The following SGCG variants were observed in gnomAD, a reference collection of about 807,000 sequenced individuals.
SGCG encodes the protein sarcoglycan gamma, also known as gamma-sarcoglycan.
SGCG carries 26 observed loss-of-function variants against 29.3 expected under a neutral mutation model. That is an observed-to-expected ratio of 0.89 (90% CI 0.65 to 1.23). The LOEUF is 1.23. Among genes scored for constraint, SGCG ranks in the 50% most tolerant of loss-of-function variants. The pLI is 0.00. For synonymous variants in SGCG, 145 were observed against 129.7 expected (o/e 1.12, Z -0.80); for missense variants, 353 against 356.0 (o/e 0.99, Z 0.07).
chr13:23,264,036 C>T (rs961284489), intron 4 of SGCG, among the ~76,000 whole-genome samples: 2 of 152,126 alleles, frequency 1.3e-5, no homozygotes, highest in Non-Finnish European at 2.9e-5. Flanking sequence ...CGAGGATGCC[C>T]ATTTTCACCA....
At chr13:23,213,223 C>T (rs56660557) in intron 2 of SGCG, among the ~76,000 whole-genome samples, 14,085 of 152,168 alleles carry the variant, frequency 0.093, 867 homozygotes, top group South Asian at 0.2. Context: ...GCCTGTAATA[C>T]CAGCTCTTTG....
At chr13:23,203,467 T>C (rs1565998114) in intron 1 of SGCG, among the ~76,000 whole-genome samples, 1 of 152,246 alleles carries the variant, frequency 6.6e-6, no homozygotes, top group African/African-American at 2.4e-5. Flanking sequence ...GTTTATCATA[T>C]ATAAAATATT....
chr13:23,212,840 T>G (rs1225983786), intron 2 of SGCG, among the ~76,000 whole-genome samples: 1 of 152,194 alleles, frequency 6.6e-6, no homozygotes, highest in East Asian at 1.9e-4. Flanking sequence ...CTGCAAACTT[T>G]AGGGTCATCT....
intron 5 of SGCG, among the ~76,000 whole-genome samples, chr13:23,289,160 A>G (rs1458871242): frequency 6.6e-6 from 1 of 152,204 alleles, no homozygotes. Context: ...TATCCTTCAA[A>G]CACATACCCA....
At chr13:23,273,833 G>A (rs1880960524) in intron 4 of SGCG, among the ~76,000 whole-genome samples, 1 of 152,196 alleles carries the variant, frequency 6.6e-6, no homozygotes, top group Non-Finnish European at 1.5e-5. Flanking sequence ...GGCACTTGAG[G>A]AGAGTGTGCA....
chr13:23,177,202 A>G (rs149543748), upstream of SGCG, among the ~76,000 whole-genome samples: 288 of 152,270 alleles, frequency 1.9e-3, 2 homozygotes, highest in East Asian at 0.028. Flanking sequence ...TAGAGCAATG[A>G]TTACCAGAGA....
chr13:23,220,635 A>G (rs753046430), intron 2 of SGCG, among the ~76,000 whole-genome samples: 12 of 152,196 alleles, frequency 7.9e-5, no homozygotes, highest in Non-Finnish European at 1.2e-4. Flanking sequence ...ATTTCTGTGC[A>G]TATTTCTAGA....
At chr13:23,218,650 ACACT>A (rs1429989503) in intron 2 of SGCG, among the ~76,000 whole-genome samples, 2 of 152,088 alleles carry the variant, frequency 1.3e-5, no homozygotes, top group African/African-American at 4.8e-5. Context: ...ATTTCTGCAC[ACACT>A]CAAATATAAC....
At chr13:23,268,828 A>G (rs1880743537) in intron 4 of SGCG, 1 of 149,744 alleles carries the variant, frequency 6.7e-6, no homozygotes, top group African/African-American at 2.4e-5. Context: ...CCACAAACTG[A>G]AAGATACTGA....
rs563744436 is a variant in SGCG, at chr13:23,298,156, G to A, written c.578+2669G>A. Among the ~76,000 whole-genome samples, 12 of 151,982 alleles carry A rather than the reference G, an allele frequency of 7.9e-5. No homozygotes were observed. The South Asian group carries it at 2.3e-3, about 29-fold the overall frequency. On this transcript the variant is annotated intron_variant, in intron 6 of 7. Coordinates refer to ENST00000218867, the MANE Select transcript of SGCG (RefSeq NM_000231.3). ...GGATCACCTGAGGTCAGGAGTTTGAGACCACCCTGGCCAATGTGATGAAAC... is the reference window on the plus strand; with the variant it reads ...GGATCACCTGAGGTCAGGAGTTTGAAACCACCCTGGCCAATGTGATGAAAC...
chr13:23,167,614 T>A, the SGCG span, among the ~76,000 whole-genome samples: 1 of 152,214 alleles, frequency 6.6e-6, no homozygotes, highest in African/African-American at 2.4e-5. Context: ...TGAGACAGTA[T>A]CTTGTTGTAG....
intron 4 of SGCG, among the ~76,000 whole-genome samples, chr13:23,254,735 G>A (rs1007920960): frequency 2.0e-5 from 3 of 152,112 alleles, no homozygotes; most frequent in Non-Finnish European, 2.9e-5. Flanking sequence ...ATTCCATCAC[G>A]GGCACAGAGG....
chr13:23,243,381 A>C (rs1879582292), intron 3 of SGCG: 1 of 152,346 alleles, frequency 6.6e-6, no homozygotes, highest in African/African-American at 2.4e-5. Context: ...CTTTTTCACA[A>C]GGAATGCAAA....
At chr13:23,219,172 C>T (rs970294582) in intron 2 of SGCG, among the ~76,000 whole-genome samples, 4 of 151,622 alleles carry the variant, frequency 2.6e-5, no homozygotes, top group Admixed American at 1.3e-4. Context: ...CTCAGCCTCC[C>T]GAGTAGCTGG....
At chr13:23,299,513 C>T (rs79378607) in intron 6 of SGCG, among the ~76,000 whole-genome samples, 21,819 of 83,778 alleles carry the variant, frequency 0.26, 5,812 homozygotes, top group East Asian at 0.81. Context: ...GGTGCAGTGG[C>T]GCGATCTCGG....
chr13:23,272,081 A>G (rs569166529), intron 4 of SGCG, among the ~76,000 whole-genome samples: 3 of 152,332 alleles, frequency 2.0e-5, no homozygotes, highest in South Asian at 2.1e-4. Context: ...TGTCAGATAC[A>G]CTATTATATC....
chr13:23,273,535 G>T (rs1880947864), intron 4 of SGCG, among the ~76,000 whole-genome samples: 1 of 152,242 alleles, frequency 6.6e-6, no homozygotes, highest in South Asian at 2.1e-4. Context: ...ATTTCCTCTT[G>T]TCACTGCTTT....
intron 2 of SGCG, among the ~76,000 whole-genome samples, chr13:23,222,483 A>G (rs1878709013): frequency 6.7e-6 from 1 of 148,862 alleles, no homozygotes; most frequent in South Asian, 2.2e-4. Flanking sequence ...ATCTAATTCA[A>G]TCAGCACTTT....
chr13:23,197,959 A>G (rs1332953359), intron 1 of SGCG, among the ~76,000 whole-genome samples: 5 of 152,236 alleles, frequency 3.3e-5, no homozygotes, highest in African/African-American at 1.2e-4. Context: ...TGGAAAAAAA[A>G]AGACGTAACA....
Sources: gnomAD v4.1 joint callset for allele counts (sites outside exome capture counted in the v4.1 genomes callset) on GRCh38, gnomAD v4.1.1 for gene constraint, MANE v1.5 for transcripts, NCBI Gene and HGNC (gene_info 2026-07-23, HGNC 2026-07-21) for gene names.